Variants in GIGYF2 observed in about 807,000 individuals in gnomAD.
GIGYF2 encodes GRB10 interacting GYF protein 2.
In GIGYF2, 25 loss-of-function variants were observed where a neutral mutation model predicts 208.1. That is an observed-to-expected ratio of 0.12 (90% CI 0.09 to 0.17). The LOEUF (loss-of-function observed/expected upper bound fraction) is 0.17. GIGYF2 is among the 10% of genes least tolerant of loss of function. The pLI is 1.00. For synonymous variants in GIGYF2, 534 were observed against 543.8 expected, an observed-to-expected ratio of 0.98 and a Z score of 0.25; for missense variants, 1,302 against 1,579.4, an observed-to-expected ratio of 0.82 and a Z score of 2.98.
intron 14 of GIGYF2, among the ~76,000 whole-genome samples, chr2:232,803,061 G>A (rs1384488121): frequency 6.6e-6 from 1 of 151,998 alleles, no homozygotes; most frequent in African/African-American, 2.4e-5. Flanking sequence ...CACCATGCCC[G>A]GCTCATTTTA....
At chr2:232,823,327 T>G (rs1048411737) in intron 21 of GIGYF2, among the ~76,000 whole-genome samples, 5 of 151,582 alleles carry the variant, frequency 3.3e-5, no homozygotes, top group African/African-American at 9.7e-5. Context: ...GAGGGAGAGA[T>G]AGGTCTACAA....
chr2:232,782,117 C>T (rs1699739760), intron 8 of GIGYF2, among the ~76,000 whole-genome samples: 1 of 152,098 alleles, frequency 6.6e-6, no homozygotes, highest in Admixed American at 6.5e-5. Flanking sequence ...TTGTGTTTGT[C>T]AGTAAAGGAG....
chr2:232,838,211 T>C (rs1299122023), intron 22 of GIGYF2, among the ~76,000 whole-genome samples: 1 of 152,108 alleles, frequency 6.6e-6, no homozygotes, highest in African/African-American at 2.4e-5. Flanking sequence ...ATAGAGTATA[T>C]ATTTTGTGTG....
At chr2:232,787,829 T>C (rs1372921313) in intron 9 of GIGYF2, among the ~76,000 whole-genome samples, 1 of 152,240 alleles carries the variant, frequency 6.6e-6, no homozygotes, top group African/African-American at 2.4e-5. Context: ...ACAAGTTCAT[T>C]CTTATGTCCT....
chr2:232,729,603 T>G (rs1697358490), intron 2 of GIGYF2: 1 of 1,305,474 alleles, frequency 7.7e-7, no homozygotes, highest in African/African-American at 1.5e-5. Context: ...AGCTTATCTG[T>G]TCCAACTTTA....
intron 2 of GIGYF2, among the ~76,000 whole-genome samples, chr2:232,732,329 C>T (rs984198014): frequency 2.0e-5 from 3 of 152,172 alleles, no homozygotes; most frequent in African/African-American, 7.2e-5. Flanking sequence ...TTTTTCCCCC[C>T]TTTCTTTCTG....
intron 2 of GIGYF2, among the ~76,000 whole-genome samples, chr2:232,707,249 TCTC>T (rs998146158): frequency 1.3e-5 from 2 of 152,184 alleles, no homozygotes; most frequent in African/African-American, 4.8e-5. Flanking sequence ...TTATTCAAAT[TCTC>T]CTGGGCCAGG....
At chr2:232,807,575 C>CT (rs1700596613) in intron 15 of GIGYF2, among the ~76,000 whole-genome samples, 1 of 152,124 alleles carries the variant, frequency 6.6e-6, no homozygotes, top group Non-Finnish European at 1.5e-5. Flanking sequence ...TTCTAGGGCT[C>CT]TGACACTGGG....
At chr2:232,802,983 G>A (rs1045258858) in intron 14 of GIGYF2, among the ~76,000 whole-genome samples, 6 of 150,590 alleles carry the variant, frequency 4.0e-5, no homozygotes, top group African/African-American at 1.2e-4. Context: ...CACTGCAACC[G>A]CTGTCTCCCG....
At chr2:232,835,736 CACT>C (rs1701567170) in intron 22 of GIGYF2, among the ~76,000 whole-genome samples, 1 of 152,194 alleles carries the variant, frequency 6.6e-6, no homozygotes, top group Admixed American at 6.5e-5. Context: ...GGGGATATAG[CACT>C]GGGTGTGCCC....
intron 13 of GIGYF2, 25 bp from the exon 14 acceptor site, chr2:232,796,037 T>A: frequency 1.9e-6 from 3 of 1,581,996 alleles, no homozygotes; most frequent in Non-Finnish European, 2.6e-6. Flanking sequence ...ATTTGTTTCC[T>A]TGATTTTTGT....
chr2:232,747,368 G>T (rs539376528), intron 3 of GIGYF2, among the ~76,000 whole-genome samples: 1 of 152,010 alleles, frequency 6.6e-6, no homozygotes, highest in Non-Finnish European at 1.5e-5. Context: ...AAGCTTCTGG[G>T]GGACATAGCC....
At chr2:232,738,105 C>T (rs1697817021) in intron 3 of GIGYF2, among the ~76,000 whole-genome samples, 1 of 151,548 alleles carries the variant, frequency 6.6e-6, no homozygotes, top group Non-Finnish European at 1.5e-5. Context: ...TTAGTAGAGA[C>T]GGGGTTTCAC....
intron 2 of GIGYF2, among the ~76,000 whole-genome samples, chr2:232,709,602 A>G (rs1467035720): frequency 6.6e-6 from 1 of 152,074 alleles, no homozygotes; most frequent in Non-Finnish European, 1.5e-5. Flanking sequence ...CGAGGTCAAG[A>G]GTTCAAGACC....
chr2:232,844,713 G>A, intron 25 of GIGYF2, 139 bp downstream of exon 25: 2 of 694,402 alleles, frequency 2.9e-6, no homozygotes, highest in Non-Finnish European at 5.2e-6. Context: ...AGCACATGCA[G>A]TCATAATTAT....
At chr2:232,763,917 TAAACTG>T (rs1698844813) in intron 8 of GIGYF2, among the ~76,000 whole-genome samples, 1 of 152,228 alleles carries the variant, frequency 6.6e-6, no homozygotes, top group Admixed American at 6.5e-5. Flanking sequence ...TGACCATAGT[TAAACTG>T]TAAAGCAAAA....
intron 20 of GIGYF2, among the ~76,000 whole-genome samples, chr2:232,817,402 A>G (rs1444913936): frequency 1.3e-5 from 2 of 152,254 alleles, no homozygotes; most frequent in African/African-American, 4.8e-5. Context: ...TATACATAAC[A>G]TAAAATTTAC....
intron 5 of GIGYF2, among the ~76,000 whole-genome samples, chr2:232,750,731 CTGTG>C (rs61571808): frequency 0.015 from 2,167 of 147,368 alleles, 38 homozygotes; most frequent in African/African-American, 0.051. Flanking sequence ...TATATGAGCT[CTGTG>C]TGTGTGTGTG....
chr2:232,749,032 G>A lies in GIGYF2; in HGVS notation c.217G>A (p.Glu73Lys). The change falls in exon 5 of 29, where the codon GAG becomes AAG. Residue 73 changes from glutamate to lysine, a missense_variant. By Grantham distance (56) the Glu-to-Lys change is moderately conservative. Transcript: ENST00000373563. ...LDKEFLPILQEEPLPPLALVP... is the reference protein window; with the variant it reads ...LDKEFLPILQKEPLPPLALVP... ...TAAAGAATTTCTGCCTATCCTCCAG[G>A]AGGAACCCCTTCCACCATTGGCTCT... 1.2e-6 allele frequency: 2 copies of A among 1,607,542 alleles called. No homozygotes were observed. Among genetic ancestry groups the A allele is most frequent in the South Asian group, 1.1e-5 (1 of 90,928 alleles).
Sources: allele counts gnomAD v4.1 joint callset (sites outside exome capture counted in the v4.1 genomes callset), GRCh38; gene constraint gnomAD v4.1.1; transcripts MANE v1.5; gene names NCBI Gene and HGNC (gene_info 2026-07-23, HGNC 2026-07-21).